Variants in KIAA1671 observed in about 807,000 individuals in gnomAD.
KIAA1671 encodes the protein KIAA1671.
KIAA1671 carries 52 observed loss-of-function variants against 131.2 expected under a neutral mutation model. That is an observed-to-expected ratio of 0.40 (90% confidence interval 0.32 to 0.50). The LOEUF (loss-of-function observed/expected upper bound fraction) is 0.50, where lower values mean the gene tolerates loss of function less well. Among genes scored for constraint, KIAA1671 ranks in the 20% least tolerant of loss-of-function variants. The pLI, the probability that KIAA1671 is intolerant of heterozygous loss-of-function variation, is 0.73. For synonymous variants in KIAA1671, 1,003 were observed against 961.6 expected (o/e 1.04, Z -0.80); for missense variants, 2,360 against 2,364.2 (o/e 1.00, Z 0.04).
intron 6 of KIAA1671, chr22:25,112,604 C>T (rs1931425581): frequency 2.6e-6 from 1 of 391,422 alleles, no homozygotes; most frequent in East Asian, 3.6e-5. Context: ...CAGGCACTTC[C>T]TGTCCCCTGT....
At chr22:25,157,095 G>A (rs1413276542) in intron 6 of KIAA1671, among the ~76,000 whole-genome samples, 1 of 152,112 alleles carries the variant, frequency 6.6e-6, no homozygotes, top group Non-Finnish European at 1.5e-5. Context: ...GGGATCAGTG[G>A]GAGCAGATTC....
At chr22:25,104,346 A>G (rs1930875370) in intron 6 of KIAA1671, among the ~76,000 whole-genome samples, 1 of 152,160 alleles carries the variant, frequency 6.6e-6, no homozygotes. Context: ...GGAATGTCCA[A>G]TCTTTTAGGA....
At chr22:25,184,080 A>G (rs1311634378) in intron 10 of KIAA1671, among the ~76,000 whole-genome samples, 1 of 152,192 alleles carries the variant, frequency 6.6e-6, no homozygotes, top group Non-Finnish European at 1.5e-5. Context: ...CATCAGTGTT[A>G]GCTTAAACTT....
At chr22:25,097,530 G>A (rs1386995878) in intron 6 of KIAA1671, among the ~76,000 whole-genome samples, 2 of 152,120 alleles carry the variant, frequency 1.3e-5, no homozygotes, top group African/African-American at 4.8e-5. Flanking sequence ...CACGAGGTCA[G>A]GAGATGGAGA....
intron 6 of KIAA1671, among the ~76,000 whole-genome samples, chr22:25,133,057 A>G (rs1457819979): frequency 1.6e-5 from 1 of 62,180 alleles, no homozygotes; most frequent in Admixed American, 1.4e-4. Context: ...CCATCTCAAA[A>G]AAAAAAAAAA....
At position 25,038,813 on chromosome 22, in the gene KIAA1671, G is replaced by C. The variant is rs878952610; in HGVS notation, c.1683G>C (p.Lys561Asn). 8 of 1,551,736 alleles carry C rather than the reference G, an allele frequency of 5.2e-6. No homozygotes were observed. Among genetic ancestry groups the C allele is most frequent in the Non-Finnish European group, 7.0e-6 (8 of 1,146,836 alleles). ...DGACIPRSPW[K>N]PGTLRDKSRQ... ...CATGCATCCCGAGAAGCCCCTGGAA[G>C]CCTGGGACACTCCGGGATAAGTCCA... Residue 561 changes from lysine to asparagine, a missense_variant, in exon 5 of 13, where the codon AAG (lysine) becomes AAC (asparagine). By Grantham distance (94) the Lys-to-Asn change is moderately conservative. Around this residue, in one of 3 missense-constraint regions of KIAA1671, gnomAD observed 1,185 missense variants for 1,126.2 expected, o/e 1.05. Coordinates refer to ENST00000358431, the MANE Select transcript of KIAA1671 (RefSeq NM_001145206.2).
chr22:25,040,072 GC>G lies in KIAA1671; in HGVS notation c.2946del (p.Thr983GlnfsTer5). ...HVGHRRTDYV[S>X]PTASALRKPQ... ...GGGCACAGACGAACAGATTATGTGA[GC>G]CCCACAGCCAGTGCCTTAAGAAAAC... On this transcript the variant is annotated frameshift_variant, in exon 5 of 13. Coordinates refer to ENST00000358431, the MANE Select transcript of KIAA1671 (RefSeq NM_001145206.2). LOFTEE classifies it high-confidence loss of function. 1.3e-6 allele frequency: 2 copies of G among 1,551,682 alleles called. No individual in the cohort carries two copies. The highest frequency in any genetic ancestry group is 1.7e-6 in the Non-Finnish European group (2 of 1,147,008).
intron 7 of KIAA1671, among the ~76,000 whole-genome samples, chr22:25,171,589 C>G (rs1238656473): frequency 1.3e-5 from 2 of 151,908 alleles, no homozygotes; most frequent in Non-Finnish European, 2.9e-5. Flanking sequence ...GTGGTGGGCA[C>G]CTGTGATGCC....
At chr22:24,964,424 T>G (rs1419852111) in intron 1 of KIAA1671, among the ~76,000 whole-genome samples, 1 of 142,804 alleles carries the variant, frequency 7.0e-6, no homozygotes, top group Non-Finnish European at 1.5e-5. Context: ...TCCTATGTAC[T>G]TTTTTTTTTA....
chr22:25,055,479 C>T (rs1321956582), intron 6 of KIAA1671: 1 of 149,882 alleles, frequency 6.7e-6, no homozygotes, highest in Non-Finnish European at 1.5e-5. Flanking sequence ...TCCAGTGACT[C>T]AGGAAGCCAA....
At chr22:25,109,886 G>C (rs1419675879) in intron 6 of KIAA1671, 1 of 152,224 alleles carries the variant, frequency 6.6e-6, no homozygotes, top group Non-Finnish European at 1.5e-5. Flanking sequence ...GGGAGGCTGA[G>C]GCAGGTGGAT....
intron 9 of KIAA1671, among the ~76,000 whole-genome samples, chr22:25,180,252 A>C (rs1484183740): frequency 6.6e-6 from 1 of 152,262 alleles, no homozygotes; most frequent in Non-Finnish European, 1.5e-5. Flanking sequence ...ACTTTTAAGA[A>C]GAAACAGGCA....
chr22:25,000,214 G>A (rs1331498421), intron 1 of KIAA1671, among the ~76,000 whole-genome samples: 12 of 18,236 alleles, frequency 6.6e-4, no homozygotes, highest in African/African-American at 4.7e-3. Flanking sequence ...TTTTTTTTGA[G>A]ACGGAGTCTC....
chr22:25,184,207 A>G (rs896487529), intron 10 of KIAA1671, among the ~76,000 whole-genome samples: 1 of 152,278 alleles, frequency 6.6e-6, no homozygotes, highest in Admixed American at 6.5e-5. Flanking sequence ...ATCCCAGTTC[A>G]TAAAAGCTGT....
At chr22:25,038,379 T>C (rs1483075832) in intron 4 of KIAA1671, among the ~76,000 whole-genome samples, 1 of 152,232 alleles carries the variant, frequency 6.6e-6, no homozygotes. Context: ...TAGCCAATGC[T>C]TTTCCAGTGA....
chr22:25,189,129 T>TC (rs976415978), intron 11 of KIAA1671, among the ~76,000 whole-genome samples: 6 of 146,696 alleles, frequency 4.1e-5, no homozygotes, highest in African/African-American at 1.0e-4. Context: ...TCTTTTTCTT[T>TC]TTTTTTTTTT....
intron 6 of KIAA1671, among the ~76,000 whole-genome samples, chr22:25,144,949 G>A (rs930894711): frequency 3.9e-5 from 6 of 152,168 alleles, no homozygotes; most frequent in Non-Finnish European, 8.8e-5. Context: ...GTCTGCCATC[G>A]GAGGTCTGTG....
chr22:25,000,348 T>C lies in KIAA1671; in HGVS notation c.-207-25285T>C, dbSNP rs113135072. ...AGCTGGGACTACAGGCGCGCGCCACTACGCCCGGCTAATTTTTTGTATTTT... is the reference window on the plus strand; with the variant it reads ...AGCTGGGACTACAGGCGCGCGCCACCACGCCCGGCTAATTTTTTGTATTTT... On this transcript the variant is annotated intron_variant, in intron 1 of 12. Coordinates refer to ENST00000358431, the MANE Select transcript of KIAA1671 (RefSeq NM_001145206.2). Among the ~76,000 whole-genome samples the C allele has an allele frequency of 4.8e-5, 4 of 83,762 alleles. 1 individual carries two copies. Among genetic ancestry groups the C allele is most frequent in the East Asian group, 4.4e-4 (1 of 2,266 alleles). The allele number at this position is 83,762 out of a possible 152,430, so 55.0% of individuals were successfully genotyped here.
chr22:25,103,390 G>C (rs1197299235), intron 6 of KIAA1671, among the ~76,000 whole-genome samples: 1 of 151,674 alleles, frequency 6.6e-6, no homozygotes, highest in Admixed American at 6.6e-5. Flanking sequence ...ACGGAGTCTT[G>C]CTCTGTTGCC....
Sources: gnomAD v4.1 joint callset for allele counts (sites outside exome capture counted in the v4.1 genomes callset) on GRCh38, gnomAD v4.1.1 for gene constraint, gnomAD v4.1.1 regional missense constraint, MANE v1.5 for transcripts, NCBI Gene and HGNC (gene_info 2026-07-23, HGNC 2026-07-21) for gene names.